RBFOX1: variants seen among roughly 807,000 people sequenced by gnomAD.
The protein encoded by RBFOX1 is RNA binding fox-1 homolog 1.
Under a neutral mutation model 57.7 loss-of-function variants are expected in RBFOX1, and 8 were observed. That is an observed-to-expected ratio of 0.14 (90% CI 0.08 to 0.25). The LOEUF is 0.25. RBFOX1 is among the 10% of genes least tolerant of loss of function. The pLI is 1.00. For synonymous variants in RBFOX1, 326 were observed against 222.4 expected (o/e 1.47, Z -4.15); for missense variants, 611 against 548.5 (o/e 1.11, Z -1.14).
chr16:7,472,780 G>C (rs2061805836), intron 4 of RBFOX1, among the ~76,000 whole-genome samples: 1 of 152,166 alleles, frequency 6.6e-6, no homozygotes, highest in Admixed American at 6.5e-5. Flanking sequence ...AAAAGTTACA[G>C]AAAGTATACT....
chr16:6,566,414 G>C (rs1408838694), intron 2 of RBFOX1, among the ~76,000 whole-genome samples: 3 of 152,048 alleles, frequency 2.0e-5, no homozygotes, highest in Non-Finnish European at 4.4e-5. Flanking sequence ...GCTAGACGTA[G>C]GGACCTCCAT....
intron 2 of RBFOX1, among the ~76,000 whole-genome samples, chr16:6,618,197 A>C (rs2098171514): frequency 6.6e-6 from 1 of 152,048 alleles, no homozygotes; most frequent in Non-Finnish European, 1.5e-5. Context: ...ACCTCCCAGC[A>C]CCCTGCCTAG....
chr16:6,766,899 A>T (rs976967736), intron 3 of RBFOX1, among the ~76,000 whole-genome samples: 1 of 152,088 alleles, frequency 6.6e-6, no homozygotes, highest in African/African-American at 2.4e-5. Context: ...ACTCAGTCTG[A>T]GGACACTTGA....
At chr16:5,869,274 G>C (rs937156896) in intron 4 of RBFOX1, among the ~76,000 whole-genome samples, 4 of 152,134 alleles carry the variant, frequency 2.6e-5, no homozygotes, top group Non-Finnish European at 5.9e-5. Flanking sequence ...AGACAGCTGT[G>C]TGTTTCCTAT....
intron 3 of RBFOX1, among the ~76,000 whole-genome samples, chr16:6,890,240 T>C (rs144519001): frequency 0.012 from 1,879 of 152,148 alleles, 22 homozygotes; most frequent in Non-Finnish European, 0.02. Context: ...CTAAGGAGGG[T>C]GGGCATGGTA....
chr16:7,263,158 T>C (rs2094987263), intron 4 of RBFOX1, among the ~76,000 whole-genome samples: 1 of 152,210 alleles, frequency 6.6e-6, no homozygotes, highest in Non-Finnish European at 1.5e-5. Context: ...TTATATTATG[T>C]GTATTTCTTC....
At chr16:5,644,229 T>C (rs1005037373) in intron 3 of RBFOX1, among the ~76,000 whole-genome samples, 8 of 152,100 alleles carry the variant, frequency 5.3e-5, no homozygotes, top group Non-Finnish European at 7.4e-5. Context: ...AAAAAGTAAA[T>C]TGGGGCTCTA....
intron 2 of RBFOX1, among the ~76,000 whole-genome samples, chr16:6,520,781 G>A (rs750816358): frequency 6.6e-6 from 1 of 152,148 alleles, no homozygotes; most frequent in African/African-American, 2.4e-5. Flanking sequence ...GTTATACCAA[G>A]CCATCTGCTT....
At chr16:7,681,351 T>C (rs1412412189) in intron 14 of RBFOX1, among the ~76,000 whole-genome samples, 1 of 152,186 alleles carries the variant, frequency 6.6e-6, no homozygotes, top group East Asian at 1.9e-4. Flanking sequence ...ATAAGCTAAA[T>C]ACAGAAAATA....
chr16:7,307,814 G>A (rs1419407513), intron 4 of RBFOX1, among the ~76,000 whole-genome samples: 3 of 152,176 alleles, frequency 2.0e-5, no homozygotes, highest in Non-Finnish European at 4.4e-5. Context: ...AGATGGAACG[G>A]ACAAGTAGTC....
intron 2 of RBFOX1, among the ~76,000 whole-genome samples, chr16:6,511,383 G>T (rs1598557082): frequency 1.3e-5 from 2 of 152,146 alleles, no homozygotes; most frequent in East Asian, 1.9e-4. Context: ...AATCCCTCTT[G>T]GTAGATTGAG....
chr16:5,448,430 C>G (rs1386118143), intron 1 of RBFOX1, among the ~76,000 whole-genome samples: 1 of 152,192 alleles, frequency 6.6e-6, no homozygotes, highest in Non-Finnish European at 1.5e-5. Flanking sequence ...TAATGAACAG[C>G]TGGGAAATAA....
At chr16:7,287,242 A>G (rs1185130144) in intron 4 of RBFOX1, among the ~76,000 whole-genome samples, 5 of 152,232 alleles carry the variant, frequency 3.3e-5, no homozygotes, top group African/African-American at 1.2e-4. Flanking sequence ...AAAGACAAGC[A>G]GTCCTCATAA....
intron 3 of RBFOX1, among the ~76,000 whole-genome samples, chr16:6,681,253 A>G (rs7191773): frequency 0.64 from 97,741 of 152,096 alleles, 33,984 homozygotes; most frequent in East Asian, 0.78. Flanking sequence ...CAGAGGCAGA[A>G]GTTGCAGTGA....
chr16:7,182,881 G>T (rs2083002078), intron 4 of RBFOX1, among the ~76,000 whole-genome samples: 3 of 152,054 alleles, frequency 2.0e-5, no homozygotes, highest in South Asian at 4.2e-4. Flanking sequence ...GTCTTCCAAA[G>T]ATCTTCCCTG....
chr16:5,919,804 C>T (rs2058781510), intron 4 of RBFOX1, among the ~76,000 whole-genome samples: 1 of 152,174 alleles, frequency 6.6e-6, no homozygotes, highest in South Asian at 2.1e-4. Flanking sequence ...CTGGAAGTTA[C>T]TCATCTACTT....
At chr16:7,238,010 A>G (rs1163620325) in intron 4 of RBFOX1, among the ~76,000 whole-genome samples, 1 of 152,220 alleles carries the variant, frequency 6.6e-6, no homozygotes, top group Non-Finnish European at 1.5e-5. Flanking sequence ...TCTCAAAAAA[A>G]GAAAAGAGAT....
At chr16:5,657,712 C>T (rs1324323450) in intron 3 of RBFOX1, among the ~76,000 whole-genome samples, 2 of 122,604 alleles carry the variant, frequency 1.6e-5, no homozygotes, top group South Asian at 2.6e-4. Flanking sequence ...CTGTCTTTCT[C>T]TCTTTCTTTT....
intron 12 of RBFOX1, among the ~76,000 whole-genome samples, chr16:7,657,548 G>A (rs1380037834): frequency 2.0e-5 from 3 of 152,138 alleles, no homozygotes; most frequent in Non-Finnish European, 2.9e-5. Flanking sequence ...CAGGTGATCC[G>A]CCCATCTGGG....
Sources: gnomAD v4.1 joint callset for allele counts (sites outside exome capture counted in the v4.1 genomes callset) on GRCh38, gnomAD v4.1.1 for gene constraint, MANE v1.5 for transcripts, NCBI Gene and HGNC (gene_info 2026-07-23, HGNC 2026-07-21) for gene names.